FUBP3: variants seen among roughly 807,000 people sequenced by gnomAD.
The protein encoded by FUBP3 is far upstream element binding protein 3.
FUBP3 carries 28 observed loss-of-function variants against 85.6 expected under a neutral mutation model. The ratio of observed to expected loss-of-function variants is 0.33; its 90% CI spans 0.24 to 0.45. The LOEUF is 0.45. FUBP3 is among the 20% of genes least tolerant of loss of function. The pLI is 1.00. For missense variants in FUBP3, 583 were observed against 755.1 expected, an observed-to-expected ratio of 0.77 and a Z score of 2.67; for synonymous variants, 271 against 271.4, an observed-to-expected ratio of 1.00 and a Z score of 0.01.
chr9:130,634,495 C>G lies in FUBP3; in HGVS notation c.1511-172C>G. ...CCCACCCTTACAGTGATCTTAGTTA[C>G]ACCCCTTCCCCCAGCCCTGCCAGCT... On this transcript the variant is annotated intron_variant, in intron 16 of 18. Transcript: ENST00000319725. The G allele has an allele frequency of 8.4e-6, 5 of 597,946 alleles. No individual in the cohort carries two copies. In the South Asian group the frequency reaches 1.0e-4, roughly 12 times the overall value. 37.0% of individuals were successfully genotyped at this position (597,946 alleles called of 1,614,324 possible).
intron 11 of FUBP3, 52 bp from the exon 12 acceptor site, chr9:130,626,312 C>T (rs1695888730): frequency 6.4e-7 from 1 of 1,566,384 alleles, no homozygotes; most frequent in Non-Finnish European, 8.7e-7. Flanking sequence ...AAGAGAGGAG[C>T]AGTGGTGCTG....
intron 11 of FUBP3, among the ~76,000 whole-genome samples, chr9:130,624,609 T>TTG (rs138986229): frequency 0.095 from 13,669 of 143,834 alleles, 643 homozygotes; most frequent in Non-Finnish European, 0.11. Context: ...TTACAAGATT[T>TTG]TGTGTGTGTG....
chr9:130,631,343 G>T (rs1830201051), intron 13 of FUBP3: 1 of 1,413,102 alleles, frequency 7.1e-7, no homozygotes, highest in Non-Finnish European at 9.2e-7. Flanking sequence ...GTGGTGCCAG[G>T]ACTGGCTGTG....
chr9:130,583,823 CTATA>C (rs1830231004), intron 1 of FUBP3, among the ~76,000 whole-genome samples: 1 of 152,124 alleles, frequency 6.6e-6, no homozygotes, highest in Non-Finnish European at 1.5e-5. Flanking sequence ...AGTAAATAAA[CTATA>C]TATTCCACTG....
chr9:130,580,693 T>C (rs1296904065), intron 1 of FUBP3: 1 of 152,180 alleles, frequency 6.6e-6, no homozygotes, highest in Admixed American at 6.5e-5. Context: ...GAAGAAGGTC[T>C]TCACTCGGGC....
Position 130,630,676 on chromosome 9 carries a change from A to T in FUBP3, c.1166A>T (p.Glu389Val). The T allele has an allele frequency of 6.2e-7, 1 of 1,601,002 alleles. No individual in the cohort carries two copies. The highest frequency in any genetic ancestry group is 1.1e-5 in the South Asian group (1 of 90,158). ...AACCAGCAGTCAGGGGCGCACGTGG[A>T]GCTTCAGAGGAACCCCCCTCCCAAC... The part of the protein sequence containing the change: ...SINQQSGAHV[E>V]LQRNPPPNSD... Residue 389 changes from glutamate to valine, a missense_variant, in exon 13 of 19, where the codon GAG (glutamate) becomes GTG (valine). Around this residue, in one of 3 missense-constraint regions of FUBP3, gnomAD observed 404 missense variants for 516.8 expected, o/e 0.78. Coordinates refer to ENST00000319725, the MANE Select transcript of FUBP3 (RefSeq NM_003934.2).
chr9:130,606,224 G>A (rs1000817521), intron 2 of FUBP3, among the ~76,000 whole-genome samples: 1 of 152,152 alleles, frequency 6.6e-6, no homozygotes, highest in African/African-American at 2.4e-5. Flanking sequence ...ACCGCTAAGT[G>A]TGTGTTACTG....
At chr9:130,592,935 C>T (rs1443585757) in intron 1 of FUBP3, among the ~76,000 whole-genome samples, 2 of 152,186 alleles carry the variant, frequency 1.3e-5, no homozygotes, top group African/African-American at 2.4e-5. Flanking sequence ...AGTCCAAGCT[C>T]CTCACCATGA....
chr9:130,621,650 T>C (rs1323066120), intron 9 of FUBP3, among the ~76,000 whole-genome samples: 1 of 152,250 alleles, frequency 6.6e-6, no homozygotes, highest in East Asian at 1.9e-4. Flanking sequence ...CTCACGCCTG[T>C]AATCCCAGCA....
rs916315356 is a variant in FUBP3 at position 130,616,994 on chromosome 9, T to C, written c.567+477T>C. Among the ~76,000 whole-genome samples the C allele has an allele frequency of 1.3e-5, 2 of 152,196 alleles. No homozygotes were observed. Among genetic ancestry groups the C allele is most frequent in the Admixed American group, 1.3e-4 (2 of 15,284 alleles). ...CTAAAATAATAGCCGTTCTTTTCTTTTTATGTAAGAGCCTGTTACTGAGTG... is the reference window on the plus strand; with the variant it reads ...CTAAAATAATAGCCGTTCTTTTCTTCTTATGTAAGAGCCTGTTACTGAGTG... On this transcript the variant is annotated intron_variant, in intron 7 of 18. Coordinates refer to ENST00000319725, the MANE Select transcript of FUBP3 (RefSeq NM_003934.2). This position sits in a 1 kb window ranked among gnomAD's most constrained non-coding sequence, Gnocchi z 4.7.
At chr9:130,599,320 C>A (rs1215311023) in intron 2 of FUBP3, among the ~76,000 whole-genome samples, 1 of 145,272 alleles carries the variant, frequency 6.9e-6, no homozygotes, top group East Asian at 2.0e-4. Context: ...TATATAGATA[C>A]ACATATATAC....
chr9:130,581,081 C>T (rs1350439401), intron 1 of FUBP3: 1 of 152,266 alleles, frequency 6.6e-6, no homozygotes, highest in Non-Finnish European at 1.5e-5. Context: ...ATGGCTTTCG[C>T]TCTGTGCTGA....
chr9:130,631,210 G>A (rs1056550467), intron 13 of FUBP3: 1 of 1,210,232 alleles, frequency 8.3e-7, no homozygotes, highest in African/African-American at 1.6e-5. Flanking sequence ...ATGGAGGACA[G>A]ATGGGCCACT....
intron 1 of FUBP3, among the ~76,000 whole-genome samples, chr9:130,582,702 G>A (rs540266571): frequency 6.6e-6 from 1 of 152,318 alleles, no homozygotes; most frequent in African/African-American, 2.4e-5. Context: ...CTCTGGATGA[G>A]TAGATCCAAG....
chr9:130,625,899 A>G (rs1829950861), intron 11 of FUBP3, among the ~76,000 whole-genome samples: 1 of 152,184 alleles, frequency 6.6e-6, no homozygotes, highest in Non-Finnish European at 1.5e-5. Flanking sequence ...CTGGAGTGCC[A>G]GGTGTTGTGA....
intron 1 of FUBP3, among the ~76,000 whole-genome samples, chr9:130,586,606 A>G (rs1462740175): frequency 1.3e-5 from 2 of 152,058 alleles, no homozygotes; most frequent in African/African-American, 4.8e-5. Context: ...AGAGGGAGAT[A>G]AAGCAGTTTT....
At chr9:130,589,429 C>T (rs1350176623) in intron 1 of FUBP3, among the ~76,000 whole-genome samples, 1 of 151,218 alleles carries the variant, frequency 6.6e-6, no homozygotes. Context: ...TTGCAAGCTC[C>T]ACCTCCTGGG....
rs1831811776 is a variant in FUBP3 at position 130,612,774 on chromosome 9, G to T, written c.275-182G>T. 6.6e-6 allele frequency among the ~76,000 whole-genome samples: 1 copy of T among 152,108 alleles called. No individual in the cohort carries two copies. Among genetic ancestry groups the T allele is most frequent in the South Asian group, 2.1e-4 (1 of 4,826 alleles). The stretch of plus-strand genomic sequence containing the variant: ...CAGCTCAGATCCCCTCTGCCTGTAG[G>T]CTGTTTCACAAGGGCTTTCTGCTGC... On this transcript the variant is annotated intron_variant, in intron 4 of 18. Transcript: ENST00000319725. This position sits in a 1 kb window ranked among gnomAD's most constrained non-coding sequence, Gnocchi z 4.1.
intron 14 of FUBP3, 61 bp from the exon 15 acceptor site, chr9:130,631,881 G>A: frequency 1.6e-6 from 2 of 1,254,098 alleles, no homozygotes; most frequent in Middle Eastern, 1.9e-4. Flanking sequence ...GGGGCTGCGG[G>A]GAGGGGACGA....
Sources: allele counts gnomAD v4.1 joint callset (sites outside exome capture counted in the v4.1 genomes callset), GRCh38; gene constraint gnomAD v4.1.1; regional missense constraint gnomAD v4.1.1; non-coding constraint Gnocchi (gnomAD v3.1); transcripts MANE v1.5; gene names NCBI Gene and HGNC (gene_info 2026-07-23, HGNC 2026-07-21).